Variants in OTP observed in about 807,000 individuals in gnomAD.
OTP encodes orthopedia homeobox.
OTP carries 5 observed loss-of-function variants against 22.3 expected under a neutral mutation model. The ratio of observed to expected loss-of-function variants is 0.22; its 90% CI spans 0.12 to 0.47. OTP has a LOEUF of 0.47. Ranked by LOEUF, OTP falls within the 20% of genes least tolerant of loss-of-function variation. The pLI, the probability that OTP is intolerant of heterozygous loss-of-function variation, is 0.99. For missense variants in OTP, 428 were observed against 456.2 expected (o/e 0.94, Z 0.56); for synonymous variants, 229 against 210.6 (o/e 1.09, Z -0.76).
chr5:77,636,340 T>C (rs370532574), intron 2 of OTP: 3 of 154,294 alleles, frequency 1.9e-5, no homozygotes, highest in Non-Finnish European at 2.9e-5. Context: ...GAAACCTGGG[T>C]GTAGCACTTT....
At chr5:77,632,322 T>A (rs1045051875) in intron 2 of OTP, among the ~76,000 whole-genome samples, 1 of 152,200 alleles carries the variant, frequency 6.6e-6, no homozygotes, top group Non-Finnish European at 1.5e-5. Flanking sequence ...CCTGGAAGAC[T>A]TGCAGTTTAA....
At position 77,633,371 on chromosome 5, in the gene OTP, A is replaced by G. The variant is rs555721394; in HGVS notation, c.448-2577T>C. ...TGTTTCATGGCTTACTGGGATTGGGAAAAAAAATCTGCGTGGGGTCTGAGC... is the reference window on the plus strand; with the variant it reads ...TGTTTCATGGCTTACTGGGATTGGGGAAAAAAATCTGCGTGGGGTCTGAGC... On this transcript the variant is annotated intron_variant, in intron 2 of 2. Coordinates refer to ENST00000306422, the MANE Select transcript of OTP (RefSeq NM_032109.3). Among the ~76,000 whole-genome samples the G allele has an allele frequency of 2.0e-5, 3 of 152,194 alleles. No individual in the cohort carries two copies. In the South Asian group the frequency reaches 6.2e-4, roughly 32 times the overall value.
Position 77,630,217 on chromosome 5 carries a change from G to C in OTP, c.*47C>G, listed in dbSNP as rs914326215. On this transcript the variant is annotated 3_prime_UTR_variant, in exon 3 of 3. Transcript: ENST00000306422. ...TGCGCGCCGGAAGGGCCTCGGGGCG[G>C]CCCCCGGGGCGGTGCTGGGGGCGGA... 41 of 1,329,240 alleles carry C rather than the reference G, an allele frequency of 3.1e-5. No homozygotes were observed. Among genetic ancestry groups the C allele is most frequent in the Non-Finnish European group, 3.8e-5 (39 of 1,026,926 alleles). 82.3% of individuals were successfully genotyped at this position (1,329,240 alleles called of 1,614,324 possible). A position where few individuals can be genotyped will look rare whatever the true frequency, so the allele number is the denominator to read the frequency against.
Position 77,630,180 on chromosome 5 carries a change from C to A in OTP, c.*84G>T, listed in dbSNP as rs1744902244. On this transcript the variant is annotated 3_prime_UTR_variant, in exon 3 of 3. Coordinates refer to ENST00000306422, the MANE Select transcript of OTP (RefSeq NM_032109.3). ...GGCCGGGGCGGGACGGGGCAGGGCG[C>A]CGGGGTCCGGGTGCGCGCCGGAAGG... The A allele has an allele frequency of 4.4e-6, 4 of 913,114 alleles. No individual in the cohort carries two copies. In the South Asian group the frequency reaches 1.6e-4, roughly 36 times the overall value. 56.6% of individuals were successfully genotyped at this position (913,114 alleles called of 1,614,324 possible).
At chr5:77,638,248 C>G (rs1216924635) in intron 1 of OTP, among the ~76,000 whole-genome samples, 1 of 30,066 alleles carries the variant, frequency 3.3e-5, no homozygotes, top group African/African-American at 1.3e-4. Flanking sequence ...TATCGCCTTT[C>G]GAAAAAAAAA....
At chr5:77,634,441 A>G (rs1294721768) in intron 2 of OTP, among the ~76,000 whole-genome samples, 1 of 148,096 alleles carries the variant, frequency 6.8e-6, no homozygotes, top group African/African-American at 2.7e-5. Context: ...AATAAAGATA[A>G]AAAATAAGTA....
Position 77,630,464 on chromosome 5 carries a change from T to C in OTP, c.778A>G (p.Asn260Asp), listed in dbSNP as rs1483475313. Residue 260 changes from asparagine (N) to aspartate (D), a missense_variant, in exon 3 of 3, where the codon AAC becomes GAC. Coordinates refer to ENST00000306422, the MANE Select transcript of OTP (RefSeq NM_032109.3). The stretch of plus-strand genomic sequence containing the variant: ...AGGTGCGACTGCAGCCCCGCGCCGT[T>C]GGAACCCGCCAGGCTGTTGGACAGG... ...MGLSNSLAGSNGAGLQSHLYQ... is the reference protein window; with the variant it reads ...MGLSNSLAGSDGAGLQSHLYQ... The C allele has an allele frequency of 6.3e-7, 1 of 1,588,134 alleles. No individual in the cohort carries two copies. Among genetic ancestry groups the C allele is most frequent in the Non-Finnish European group, 8.6e-7 (1 of 1,169,020 alleles).
In OTP at chr5:77,629,095, A is replaced by G. The variant is rs1744877352; in HGVS notation, c.*1169T>C. ...GGGCACGAGGGACGACAGGACCACC[A>G]CAAAACAACCAAGGGCACAGAGCAG... On this transcript the variant is annotated 3_prime_UTR_variant, in exon 3 of 3. Transcript: ENST00000306422. 6.5e-6 allele frequency: 1 copy of G among 152,854 alleles called. No individual in the cohort carries two copies. The highest frequency in any genetic ancestry group is 1.9e-4 in the East Asian group (1 of 5,184). 9.5% of individuals were successfully genotyped at this position (152,854 alleles called of 1,614,324 possible).
In OTP at chr5:77,630,740, C is replaced by A. The variant is rs769791656; in HGVS notation, c.502G>T (p.Val168Leu). ...KWKKRKKTTNVFRAPGTLLPT... is the reference protein window; with the variant it reads ...KWKKRKKTTNLFRAPGTLLPT... ...AGCAGTGTGCCGGGCGCACGGAACA[C>A]GTTGGTCGTCTTTTTGCGCTTCTTC... is the stretch of plus-strand genomic sequence containing the variant. Residue 168 changes from valine (V) to leucine (L), a missense_variant, in exon 3 of 3, where the codon GTG becomes TTG. Val to Leu is a conservative substitution (Grantham distance 32). Transcript: ENST00000306422. 1.5e-5 allele frequency: 23 copies of A among 1,581,248 alleles called. No homozygotes were observed. In the South Asian group the frequency reaches 2.5e-4, roughly 17 times the overall value.
At chr5:77,636,512 G>C (rs921482418) in intron 2 of OTP, 5 of 358,570 alleles carry the variant, frequency 1.4e-5, no homozygotes, top group Admixed American at 1.3e-4. Context: ...GGGCCGCCCG[G>C]GGGGGCGCTG....
rs139985455 is a variant in OTP, at chr5:77,628,791, C to G, written c.*1473G>C. The G allele has an allele frequency of 8.7e-3, 1,332 of 152,622 alleles. 25 individuals are homozygous for G. Among genetic ancestry groups the G allele is most frequent in the Admixed American group, 0.019 (285 of 15,308 alleles). 9.5% of individuals were successfully genotyped at this position (152,622 alleles called of 1,614,324 possible). A position where few individuals can be genotyped will look rare whatever the true frequency, so the allele number is the denominator to read the frequency against. On this transcript the variant is annotated 3_prime_UTR_variant, in exon 3 of 3. Transcript: ENST00000306422. ...TTGTCCGGAAAAGTCAAATAATATG[C>G]TTTATATTAGCTCAAACATTTATTA...
chr5:77,630,688 G>C lies in OTP; in HGVS notation c.554C>G (p.Pro185Arg). ...LLPTPGLPQF[P>R]SAAAAAAAAM... ...GGCGGCAGCGGCGGCGGCAGCCGACGGGAACTGAGGCAGGCCTGGCGTGGG... is the reference window on the plus strand; with the variant it reads ...GGCGGCAGCGGCGGCGGCAGCCGACCGGAACTGAGGCAGGCCTGGCGTGGG... The change falls in exon 3 of 3, where the codon CCG (proline) becomes CGG (arginine). Residue 185 changes from proline to arginine, a missense_variant. Pro to Arg is a moderately radical substitution (Grantham distance 103). This residue lies in a region of OTP where 236 missense variants were observed against 238.1 expected (regional missense o/e 0.99). Transcript: ENST00000306422. 1.3e-6 allele frequency: 2 copies of C among 1,581,928 alleles called. No homozygotes were observed. The highest frequency in any genetic ancestry group is 1.7e-6 in the Non-Finnish European group (2 of 1,172,132).
rs1433542187 is a variant in OTP at position 77,630,648 on chromosome 5, G to A, written c.594C>T (p.Ser198=). ...AAAAAAAMGD[S]LCSFHANDTR... is the part of the protein sequence containing the mutation. ...TGTCGTTGGCGTGGAAAGAGCACAG[G>A]CTGTCGCCCATGGCGGCGGCAGCGG... is the stretch of plus-strand genomic sequence containing the variant. Residue 198 remains serine, a synonymous_variant, in exon 3 of 3, where the codon AGC becomes AGT. Transcript: ENST00000306422. 1 of 1,574,970 alleles carries A rather than the reference G, an allele frequency of 6.3e-7. No homozygotes were observed. Among genetic ancestry groups the A allele is most frequent in the South Asian group, 1.1e-5 (1 of 88,154 alleles).
rs1376794408 is a variant in OTP at position 77,637,033 on chromosome 5, C to G, written c.235G>C (p.Asp79His). 3 of 1,612,806 alleles carry G rather than the reference C, an allele frequency of 1.9e-6. No homozygotes were observed. The African/African-American group carries it at 4.0e-5, about 22-fold the overall frequency. The change falls in exon 2 of 3, where the codon GAC becomes CAC. Residue 79 changes from aspartate to histidine, a missense_variant. Asp to His is a moderately conservative substitution (Grantham distance 81). Around this residue, in one of 3 missense-constraint regions of OTP, gnomAD observed 176 missense variants for 162.9 expected, o/e 1.08. Transcript: ENST00000306422. ...TPASLAVSAK[D>H]PDKQPGPQGG... The stretch of plus-strand genomic sequence containing the variant: ...TGGGGCCCGGGCTGCTTGTCCGGGT[C>G]TTTGGCGCTCACCGCCAGCGAGGCC...
chr5:77,634,903 C>G (rs1331920761), intron 2 of OTP, among the ~76,000 whole-genome samples: 1 of 151,304 alleles, frequency 6.6e-6, no homozygotes, highest in Non-Finnish European at 1.5e-5. Context: ...TACTTTGTCT[C>G]TTTCTTCTTG....
intron 2 of OTP, among the ~76,000 whole-genome samples, chr5:77,634,718 T>C (rs1227560415): frequency 6.6e-6 from 1 of 152,232 alleles, no homozygotes; most frequent in African/African-American, 2.4e-5. Flanking sequence ...TGCATTACAT[T>C]ACATAATGTT....
rs933660163 is a variant in OTP at position 77,638,556 on chromosome 5, C to G, written c.-7G>C. On this transcript the variant is annotated 5_prime_UTR_variant, in exon 1 of 3. Coordinates refer to ENST00000306422, the MANE Select transcript of OTP (RefSeq NM_032109.3). ...GGTCGGCATGAGACAGCATCGCGCA[C>G]CGCTCCAGGGCGAAAGCTGTTCCCC... The G allele has an allele frequency of 1.9e-6, 3 of 1,567,748 alleles. No homozygotes were observed. Among genetic ancestry groups the G allele is most frequent in the South Asian group, 1.2e-5 (1 of 82,558 alleles).
Position 77,629,353 on chromosome 5 carries a change from T to A in OTP, c.*911A>T, listed in dbSNP as rs1744880200. 6.6e-6 allele frequency: 1 copy of A among 152,226 alleles called. No individual in the cohort carries two copies. 9.4% of individuals were successfully genotyped at this position (152,226 alleles called of 1,614,324 possible). ...GTTCCTCCTGAGAAGCCTTCCCTTC[T>A]ACACTCTCACACAGTTGTGCTTAAG... On this transcript the variant is annotated 3_prime_UTR_variant, in exon 3 of 3. Transcript: ENST00000306422.
At position 77,636,971 on chromosome 5, in the gene OTP, C is replaced by T. The variant is rs1476312324; in HGVS notation, c.297G>A (p.Gln99=). The part of the protein sequence containing the change: ...GPNPSQAGQQ[Q]GQQKQKRHRT... The stretch of plus-strand genomic sequence containing the variant: ...GGTGGCGCTTCTGCTTCTGTTGGCC[C>T]TGCTGCTGGCCGGCTTGGCTGGGGT... The change falls in exon 2 of 3, where the codon CAG becomes CAA. Residue 99 remains glutamine, a synonymous_variant. Transcript: ENST00000306422. 6 of 1,613,934 alleles carry T rather than the reference C, an allele frequency of 3.7e-6. No individual in the cohort carries two copies. Among genetic ancestry groups the T allele is most frequent in the Non-Finnish European group, 5.1e-6 (6 of 1,179,980 alleles).
Sources: gnomAD v4.1 joint callset for allele counts (sites outside exome capture counted in the v4.1 genomes callset) on GRCh38, gnomAD v4.1.1 for gene constraint, gnomAD v4.1.1 regional missense constraint, MANE v1.5 for transcripts, NCBI Gene and HGNC (gene_info 2026-07-23, HGNC 2026-07-21) for gene names.